The following ARHGAP15 variants were observed in gnomAD, a reference collection of about 807,000 sequenced individuals.
The protein encoded by ARHGAP15 is rho GTPase-activating protein 15.
In ARHGAP15, 51 loss-of-function variants were observed where a neutral mutation model predicts 63.7. The observed-to-expected ratio is 0.80, with a 90% CI of 0.64 to 1.01. ARHGAP15 has a LOEUF of 1.01. Among genes scored for constraint, ARHGAP15 ranks in the 50% least tolerant of loss-of-function variants. The probability of loss-of-function intolerance (pLI) is 0.00; values close to 1 mark genes in which losing one functional copy is unlikely to be tolerated. For missense variants in ARHGAP15, 560 were observed against 564.6 expected, an observed-to-expected ratio of 0.99 and a Z score of 0.08; for synonymous variants, 191 against 193.8, an observed-to-expected ratio of 0.99 and a Z score of 0.12.
At chr2:143,509,086 G>A (rs901302603) in intron 9 of ARHGAP15, among the ~76,000 whole-genome samples, 1 of 152,174 alleles carries the variant, frequency 6.6e-6, no homozygotes, top group Non-Finnish European at 1.5e-5. Context: ...TTTGAAAGCT[G>A]CAGCAACTCC....
chr2:143,456,609 C>G (rs1430138365), intron 8 of ARHGAP15, among the ~76,000 whole-genome samples: 1 of 19,314 alleles, frequency 5.2e-5, no homozygotes, highest in African/African-American at 1.5e-4. Flanking sequence ...TGTATTTTCT[C>G]ATCTTCAAGA....
At chr2:143,555,558 C>T (rs936791743) in intron 10 of ARHGAP15, among the ~76,000 whole-genome samples, 6 of 152,036 alleles carry the variant, frequency 3.9e-5, no homozygotes, top group Middle Eastern at 3.4e-3. Context: ...GTCCTCGTAA[C>T]GTGGCCAAGA....
At chr2:143,303,340 C>A (rs945203788) in intron 6 of ARHGAP15, among the ~76,000 whole-genome samples, 1 of 151,902 alleles carries the variant, frequency 6.6e-6, no homozygotes, top group Non-Finnish European at 1.5e-5. Context: ...AAAAAGTGGG[C>A]GAAGGATATG....
intron 6 of ARHGAP15, among the ~76,000 whole-genome samples, chr2:143,350,421 T>A (rs560984686): frequency 1.3e-4 from 20 of 152,276 alleles, no homozygotes; most frequent in African/African-American, 4.8e-4. Context: ...ATCTTCAGAA[T>A]GGACCATAAC....
chr2:143,670,462 ACCTAAGTGCACTCTGCC>A (rs1292377370), intron 12 of ARHGAP15, among the ~76,000 whole-genome samples: 1 of 152,148 alleles, frequency 6.6e-6, no homozygotes, highest in African/African-American at 2.4e-5. Context: ...TCAGGGATCT[ACCTAAGTGCACTCTGCC>A]CACCCGTGCC....
chr2:143,480,491 A>G (rs1009598522), intron 8 of ARHGAP15, among the ~76,000 whole-genome samples: 1 of 152,160 alleles, frequency 6.6e-6, no homozygotes, highest in South Asian at 2.1e-4. Context: ...TATTTCCACA[A>G]TGTCTAAGTG....
chr2:143,606,294 T>G (rs1166727152), intron 11 of ARHGAP15, among the ~76,000 whole-genome samples: 1 of 152,188 alleles, frequency 6.6e-6, no homozygotes, highest in Non-Finnish European at 1.5e-5. Flanking sequence ...GGTTATTTCA[T>G]TGAACTTCCA....
chr2:143,463,102 CTATTGT>C (rs1479770701), intron 8 of ARHGAP15, among the ~76,000 whole-genome samples: 1 of 152,060 alleles, frequency 6.6e-6, no homozygotes, highest in Non-Finnish European at 1.5e-5. Flanking sequence ...AGCTCATCAA[CTATTGT>C]TAGTGTTAGT....
chr2:143,656,471 C>A (rs971086812), intron 12 of ARHGAP15, among the ~76,000 whole-genome samples: 9 of 152,102 alleles, frequency 5.9e-5, no homozygotes, highest in African/African-American at 2.2e-4. Flanking sequence ...CCACTGGAAC[C>A]AATTTGATTG....
chr2:143,731,196 A>G (rs1352934804), intron 13 of ARHGAP15, among the ~76,000 whole-genome samples: 1 of 152,144 alleles, frequency 6.6e-6, no homozygotes, highest in Non-Finnish European at 1.5e-5. Context: ...TATAACCCAA[A>G]TTTACTTTAA....
chr2:143,322,756 T>G (rs1489988882), intron 6 of ARHGAP15, among the ~76,000 whole-genome samples: 1 of 152,222 alleles, frequency 6.6e-6, no homozygotes. Context: ...AGTTGCATGA[T>G]GCTTCGATGT....
chr2:143,639,876 T>C (rs983595898), intron 12 of ARHGAP15, among the ~76,000 whole-genome samples: 1 of 152,162 alleles, frequency 6.6e-6, no homozygotes, highest in Non-Finnish European at 1.5e-5. Context: ...TTTTAAAAAA[T>C]GTTTAACGTC....
chr2:143,653,772 G>C (rs1681292216), intron 12 of ARHGAP15, among the ~76,000 whole-genome samples: 1 of 152,158 alleles, frequency 6.6e-6, no homozygotes, highest in Non-Finnish European at 1.5e-5. Context: ...GGGATGACTA[G>C]CCATTTAATT....
chr2:143,163,603 GA>G (rs1690384212), intron 2 of ARHGAP15, among the ~76,000 whole-genome samples: 1 of 151,938 alleles, frequency 6.6e-6, no homozygotes, highest in African/African-American at 2.4e-5. Flanking sequence ...TAAGATCAGA[GA>G]AACAAGTAGA....
intron 11 of ARHGAP15, among the ~76,000 whole-genome samples, chr2:143,568,006 T>G (rs1019403675): frequency 6.6e-6 from 1 of 152,136 alleles, no homozygotes; most frequent in South Asian, 2.1e-4. Flanking sequence ...TTACACCTTA[T>G]ACAAAAATTA....
At chr2:143,677,641 G>A (rs1682891547) in intron 12 of ARHGAP15, among the ~76,000 whole-genome samples, 1 of 152,116 alleles carries the variant, frequency 6.6e-6, no homozygotes, top group East Asian at 1.9e-4. Flanking sequence ...GATTTGATTG[G>A]ACTGGATGAA....
At chr2:143,250,627 A>T in intron 6 of ARHGAP15, 27 bp downstream of exon 6, 1 of 1,570,406 alleles carries the variant, frequency 6.4e-7, no homozygotes, top group African/African-American at 1.4e-5. Flanking sequence ...TATTCAATTT[A>T]TTCCTATTCT....
intron 8 of ARHGAP15, among the ~76,000 whole-genome samples, chr2:143,472,276 A>T (rs1473171329): frequency 6.6e-6 from 1 of 151,986 alleles, no homozygotes; most frequent in Non-Finnish European, 1.5e-5. Context: ...ATTTCTATAT[A>T]TTTTTTTAAA....
intron 12 of ARHGAP15, among the ~76,000 whole-genome samples, chr2:143,627,685 C>G (rs1236505581): frequency 6.6e-6 from 1 of 152,086 alleles, no homozygotes. Flanking sequence ...AAAGTAAATT[C>G]ACAGGACAGG....
Sources: allele counts gnomAD v4.1 joint callset (sites outside exome capture counted in the v4.1 genomes callset), GRCh38; gene constraint gnomAD v4.1.1; transcripts MANE v1.5; gene names NCBI Gene and HGNC (gene_info 2026-07-23, HGNC 2026-07-21).